ABR: variants seen among roughly 807,000 people sequenced by gnomAD.
ABR encodes the protein active breakpoint cluster region-related protein.
A neutral mutation model predicts 107.2 loss-of-function variants in ABR; 35 were observed. The ratio of observed to expected loss-of-function variants is 0.33; its 90% CI spans 0.25 to 0.43. The LOEUF is 0.43. Ranked by LOEUF, ABR falls within the 20% of genes least tolerant of loss-of-function variation. ABR has a pLI of 1.00. For synonymous variants in ABR, 498 were observed against 462.0 expected (o/e 1.08, Z -1.00); for missense variants, 815 against 1,115.2 (o/e 0.73, Z 3.83).
At chr17:1,142,650 A>G (rs1051706334) in intron 1 of ABR, among the ~76,000 whole-genome samples, 4 of 151,760 alleles carry the variant, frequency 2.6e-5, no homozygotes, top group Non-Finnish European at 5.9e-5. Context: ...TGATCAATTC[A>G]GCCAGCACAG....
At chr17:1,162,158 T>C (rs114424172) in intron 1 of ABR, among the ~76,000 whole-genome samples, 2,834 of 152,310 alleles carry the variant, frequency 0.019, 95 homozygotes, top group African/African-American at 0.063. Context: ...CAGTTCGTGG[T>C]GAGGACCCAG....
In ABR at chr17:1,179,631, C is replaced by T. The variant is rs774654619; in HGVS notation, c.61+36G>A. ...GATCTCCATCCTGGGGTCCCGATCC[C>T]GATCCTGGGGTCCCGCCCCCGCCCG... On this transcript the variant is annotated intron_variant, in intron 1 of 22. Coordinates refer to ENST00000302538, the MANE Select transcript of ABR (RefSeq NM_021962.5). This position sits in a 1 kb window ranked among gnomAD's most constrained non-coding sequence, Gnocchi z 4.9. 2.0e-6 allele frequency: 3 copies of T among 1,490,216 alleles called. No individual in the cohort carries two copies. In the Admixed American group the frequency reaches 6.7e-5, roughly 33 times the overall value. 92.3% of individuals were successfully genotyped at this position (1,490,216 alleles called of 1,614,324 possible).
chr17:1,140,643 T>C (rs2040249129), intron 1 of ABR, among the ~76,000 whole-genome samples: 1 of 151,930 alleles, frequency 6.6e-6, no homozygotes, highest in Admixed American at 6.6e-5. Context: ...AGTGCAGTGG[T>C]GGGATCTCAG....
chr17:1,064,784 C>G, intron 10 of ABR, among the ~76,000 whole-genome samples: 1 of 132,170 alleles, frequency 7.6e-6, no homozygotes, highest in East Asian at 2.2e-4. Context: ...TATGCATGTT[C>G]CTCTAGACAC....
rs558368763 is a variant in ABR, at chr17:1,016,606, A to G, written c.1792-3442T>C. Among the ~76,000 whole-genome samples the G allele has an allele frequency of 1.1e-4, 17 of 151,892 alleles. No homozygotes were observed. The East Asian group carries it at 1.2e-3, about 10-fold the overall frequency. ...GCTGGGATTACAGGTGTGACCCACC[A>G]TGCCTGGCCCCTACCCCAACATTTC... On this transcript the variant is annotated intron_variant, in intron 16 of 22. Coordinates refer to ENST00000302538, the MANE Select transcript of ABR (RefSeq NM_021962.5).
chr17:1,191,615 C>G (rs143026594), upstream of ABR, among the ~76,000 whole-genome samples: 3,388 of 152,200 alleles, frequency 0.022, 121 homozygotes, highest in African/African-American at 0.076. Flanking sequence ...CTTGGCCTCC[C>G]AAAGTGCTGG....
At chr17:1,173,307 CCCCCCCCA>C (rs1473915666) in intron 1 of ABR, among the ~76,000 whole-genome samples, 9 of 129,250 alleles carry the variant, frequency 7.0e-5, no homozygotes, top group African/African-American at 1.5e-4. Context: ...CCTCAGTCCA[CCCCCCCCA>C]TCACCTCAGC....
At chr17:1,203,461 C>CGG (rs1385148763) in intron 1 of ABR, among the ~76,000 whole-genome samples, 1 of 2,456 alleles carries the variant, frequency 4.1e-4, no homozygotes, top group African/African-American at 1.8e-3. Flanking sequence ...GCGGGGCCCG[C>CGG]GGGGACGGAG....
At chr17:1,180,129 G>C (rs1017713051), upstream of ABR, among the ~76,000 whole-genome samples, 18 of 151,856 alleles carry the variant, frequency 1.2e-4, no homozygotes, top group African/African-American at 1.9e-4. Flanking sequence ...CCGGGCTAAG[G>C]GGGCAGCGGG....
At chr17:1,036,645 C>G (rs940108551) in intron 16 of ABR, among the ~76,000 whole-genome samples, 2 of 151,358 alleles carry the variant, frequency 1.3e-5, no homozygotes, top group African/African-American at 4.9e-5. Flanking sequence ...TGCCCAGCGC[C>G]CACACAGGGC....
chr17:1,031,332 G>T lies in ABR; in HGVS notation c.1792-18168C>A, dbSNP rs546498044. 5.9e-5 allele frequency among the ~76,000 whole-genome samples: 9 copies of T among 152,278 alleles called. No individual in the cohort carries two copies. The East Asian group carries it at 1.7e-3, about 29-fold the overall frequency. On this transcript the variant is annotated intron_variant, in intron 16 of 22. Transcript: ENST00000302538. ...GCTGTTTGCACTCCCGGAGTGGAAA[G>T]CAGGGTCCACCTGCCGAGAAGAAAC... is the stretch of plus-strand genomic sequence containing the variant.
At chr17:1,073,799 C>A (rs1444388417) in intron 6 of ABR, 122 bp from the exon 7 acceptor site, 5 of 823,206 alleles carry the variant, frequency 6.1e-6, no homozygotes, top group Non-Finnish European at 9.3e-6. Context: ...CGAGGGACAC[C>A]AGAGTGAGCC....
chr17:1,093,571 C>G (rs146903847), intron 3 of ABR, among the ~76,000 whole-genome samples: 2 of 152,244 alleles, frequency 1.3e-5, no homozygotes, highest in Admixed American at 6.5e-5. Context: ...AGAGCTGTCC[C>G]CCATAGGATT....
intron 16 of ABR, among the ~76,000 whole-genome samples, chr17:1,016,313 GTTTC>G (rs1256863579): frequency 7.3e-6 from 1 of 136,736 alleles, no homozygotes; most frequent in African/African-American, 2.6e-5. Flanking sequence ...TGACCCCAAC[GTTTC>G]TTTTTTTTTT....
rs569243093 is a variant in ABR, at chr17:1,043,508, T to C, written c.1791+6542A>G. Among the ~76,000 whole-genome samples the C allele has an allele frequency of 7.9e-5, 12 of 152,162 alleles. 1 individual carries two copies. The South Asian group carries it at 2.3e-3, about 29-fold the overall frequency. The stretch of plus-strand genomic sequence containing the variant: ...AAATGGTAACTTTATGTTATGTATA[T>C]TTCACTACAATCTTTTATTTTTTAT... On this transcript the variant is annotated intron_variant, in intron 16 of 22. Transcript: ENST00000302538.
chr17:1,215,192 C>G (rs2042974605), intron 1 of ABR, among the ~76,000 whole-genome samples: 1 of 149,564 alleles, frequency 6.7e-6, no homozygotes, highest in African/African-American at 2.5e-5. Flanking sequence ...TACACTCTAG[C>G]CTGGGTGACA....
At chr17:1,224,340 C>T (rs4075435) in intron 1 of ABR, among the ~76,000 whole-genome samples, 91,839 of 151,938 alleles carry the variant, frequency 0.6, 29,025 homozygotes, top group African/African-American at 0.78. Flanking sequence ...CTATCGTGCG[C>T]GGACAAAAAA....
rs2017988784 is a variant in ABR at position 1,179,843 on chromosome 17, CG to C, written c.-117del. The C allele has an allele frequency of 4.6e-6, 5 of 1,087,918 alleles. No individual in the cohort carries two copies. Among genetic ancestry groups the C allele is most frequent in the Non-Finnish European group, 6.1e-6 (5 of 822,698 alleles). The allele number at this position is 1,087,918 out of a possible 1,614,324, so 67.4% of individuals were successfully genotyped here. On this transcript the variant is annotated 5_prime_UTR_variant, in exon 1 of 23. Transcript: ENST00000302538. This position sits in a 1 kb window ranked among gnomAD's most constrained non-coding sequence, Gnocchi z 4.9. ...TGCGAGCGCGGAGGGGCGAGGAGGC[CG>C]GGAACCAGGTCCCCGGGAGGAGCGC... is the stretch of plus-strand genomic sequence containing the variant.
rs778703152 is a variant in ABR, at chr17:1,100,746, G to A, written c.247-11C>T. The A allele has an allele frequency of 3.1e-6, 5 of 1,613,624 alleles. No individual in the cohort carries two copies. The highest frequency in any genetic ancestry group is 3.3e-4 in the Middle Eastern group (2 of 6,062). The stretch of plus-strand genomic sequence containing the variant: ...TTTCCCTGCTTCCACCTGCACAAAC[G>A]CAAAGCACAGCCAACAGCTCATGAG... On this transcript the variant is annotated splice_polypyrimidine_tract_variant and intron_variant, in intron 2 of 22. Transcript: ENST00000302538.
Sources: gnomAD v4.1 joint callset for allele counts (sites outside exome capture counted in the v4.1 genomes callset) on GRCh38, gnomAD v4.1.1 for gene constraint, Gnocchi (gnomAD v3.1) non-coding constraint, MANE v1.5 for transcripts, NCBI Gene and HGNC (gene_info 2026-07-23, HGNC 2026-07-21) for gene names.